PMPCB: variants seen among roughly 807,000 people sequenced by gnomAD.
PMPCB encodes mitochondrial-processing peptidase subunit beta.
In PMPCB, 46 loss-of-function variants were observed where a neutral mutation model predicts 61.5. The ratio of observed to expected loss-of-function variants is 0.75; its 90% CI spans 0.59 to 0.96. The LOEUF (loss-of-function observed/expected upper bound fraction) is 0.96, where lower values mean the gene tolerates loss of function less well. PMPCB is among the 40% of genes least tolerant of loss of function. The probability of loss-of-function intolerance (pLI) is 0.00; values close to 1 mark genes in which losing one functional copy is unlikely to be tolerated. For synonymous variants in PMPCB, 191 were observed against 201.6 expected (o/e 0.95, Z 0.44); for missense variants, 590 against 602.4 (o/e 0.98, Z 0.22).
At chr7:103,305,162 G>A (rs893724732) in intron 6 of PMPCB, among the ~76,000 whole-genome samples, 1 of 152,088 alleles carries the variant, frequency 6.6e-6, no homozygotes, top group Non-Finnish European at 1.5e-5. Context: ...AGCATGGAAC[G>A]GGTATGTTCA....
At position 103,299,509 on chromosome 7, in the gene PMPCB, C is replaced by G. The variant is rs1817388874; in HGVS notation, c.307C>G (p.Leu103Val). 1.2e-6 allele frequency: 2 copies of G among 1,611,456 alleles called. 1 individual carries two copies. The highest frequency in any genetic ancestry group is 3.3e-4 in the Middle Eastern group (2 of 6,060). The change falls in exon 3 of 13, where the codon CTG becomes GTG. Residue 103 changes from leucine to valine, a missense_variant. Leu to Val is a conservative substitution (Grantham distance 32, BLOSUM62 1). Coordinates refer to ENST00000249269, the MANE Select transcript of PMPCB (RefSeq NM_004279.3). ...GAAGAACAATGGAACAGCACACTTT[C>G]TGGAGCATATGGCTTTCAAGGCAAG... ...NEKNNGTAHF[L>V]EHMAFKGTKK...
At position 103,304,478 on chromosome 7, in the gene PMPCB, G is replaced by A. The variant is rs1817528258; in HGVS notation, c.724G>A (p.Ala242Thr). ...THYKGPRIVL[A>T]AAGGVSHDEL... ...TTATAAGGGGCCAAGAATAGTGCTT[G>A]CTGCTGCTGGAGGTTAGTCAATTTA... The change falls in exon 6 of 13, where the codon GCT (alanine) becomes ACT (threonine). Residue 242 changes from alanine (A) to threonine (T), a missense_variant. Transcript: ENST00000249269. The A allele has an allele frequency of 1.2e-6, 2 of 1,601,258 alleles. No individual in the cohort carries two copies. The highest frequency in any genetic ancestry group is 1.7e-6 in the Non-Finnish European group (2 of 1,168,404).
chr7:103,302,135 C>CT (rs1414576753), intron 4 of PMPCB, among the ~76,000 whole-genome samples: 2 of 152,112 alleles, frequency 1.3e-5, no homozygotes, highest in African/African-American at 2.4e-5. Context: ...TGAACTCATC[C>CT]TTTTTTATGG....
chr7:103,300,432 T>G (rs1817418812), intron 4 of PMPCB, 125 bp downstream of exon 4: 1 of 668,878 alleles, frequency 1.5e-6, no homozygotes, highest in African/African-American at 1.9e-5. Context: ...CGAAACTGAA[T>G]TCTGGGTGAG....
At chr7:103,315,922 A>C (rs1179891849), downstream of PMPCB, 6 of 1,548,722 alleles carry the variant, frequency 3.9e-6, no homozygotes, top group Non-Finnish European at 5.3e-6. Flanking sequence ...TTAATCTTTC[A>C]TTAAATTGCA....
At chr7:103,336,895 C>T in the PMPCB span, 5 of 152,208 alleles carry the variant, frequency 3.3e-5, no homozygotes, top group Non-Finnish European at 7.3e-5. Context: ...ATCTACTATG[C>T]TAAGTATTGA....
chr7:103,301,965 C>G (rs139231286), intron 4 of PMPCB, among the ~76,000 whole-genome samples: 3 of 152,138 alleles, frequency 2.0e-5, no homozygotes, highest in African/African-American at 7.2e-5. Context: ...CACCACCCCA[C>G]GACAGGCTCC....
At chr7:103,338,105 A>G in the PMPCB span, among the ~76,000 whole-genome samples, 4 of 152,132 alleles carry the variant, frequency 2.6e-5, no homozygotes, top group Admixed American at 2.0e-4. Context: ...TGTCTCTACA[A>G]AAAAATTTTT....
chr7:103,307,137 C>G (rs1226623115), intron 6 of PMPCB, among the ~76,000 whole-genome samples: 3 of 152,058 alleles, frequency 2.0e-5, no homozygotes, highest in Non-Finnish European at 2.9e-5. Context: ...AAATGATCCT[C>G]CCACCTCAGC....
rs758967335 is a variant in PMPCB, at chr7:103,310,338, G to A, written c.1017G>A (p.Gln339=). The A allele has an allele frequency of 6.2e-7, 1 of 1,613,286 alleles. No homozygotes were observed. Among genetic ancestry groups the A allele is most frequent in the Admixed American group, 1.7e-5 (1 of 59,866 alleles). Residue 339 remains glutamine (Q), a synonymous_variant, in exon 9 of 13, where the codon CAG becomes CAA. Coordinates refer to ENST00000249269, the MANE Select transcript of PMPCB (RefSeq NM_004279.3). The stretch of plus-strand genomic sequence containing the variant: ...AGAATTTATCTAGCAAGCTGGCCCA[G>A]CTCACTTGTCATGGCAATCTTTGCC... ...GGMNLSSKLA[Q]LTCHGNLCHS...
At chr7:103,339,805 A>G in the PMPCB span, among the ~76,000 whole-genome samples, 1 of 150,160 alleles carries the variant, frequency 6.7e-6, no homozygotes, top group Non-Finnish European at 1.5e-5. Flanking sequence ...TATGTGATTG[A>G]CCTCTTTCTG....
At chr7:103,345,871 G>A in the PMPCB span, among the ~76,000 whole-genome samples, 1 of 151,960 alleles carries the variant, frequency 6.6e-6, no homozygotes, top group South Asian at 2.1e-4. Flanking sequence ...GTTGAGGCCG[G>A]GAGGTGGAGG....
intron 1 of PMPCB, 47 bp downstream of exon 1, chr7:103,297,605 C>T (rs756558353): frequency 2.8e-5 from 45 of 1,608,772 alleles, no homozygotes; most frequent in Non-Finnish European, 3.2e-5. Flanking sequence ...CTCGCCAGAC[C>T]CGGCGCAGCG....
the PMPCB span, among the ~76,000 whole-genome samples, chr7:103,343,157 G>A: frequency 6.6e-6 from 1 of 151,726 alleles, no homozygotes; most frequent in Admixed American, 6.6e-5. Context: ...CCGCCACCAC[G>A]CCCAGCTACT....
chr7:103,315,690 A>AC, downstream of PMPCB: 1 of 943,982 alleles, frequency 1.1e-6, no homozygotes, highest in South Asian at 1.4e-5. Context: ...CTGAACATAG[A>AC]CCCTAAGTCT....
chr7:103,338,904 C>T, the PMPCB span, among the ~76,000 whole-genome samples: 340 of 151,882 alleles, frequency 2.2e-3, no homozygotes, highest in Non-Finnish European at 4.1e-3. Flanking sequence ...AGTGAGACTC[C>T]GTCTCAAAAT....
At chr7:103,329,078 G>C in exon 13 of PMPCB, 1 of 962,530 alleles carries the variant, frequency 1.0e-6, no homozygotes, top group South Asian at 1.6e-5. Context: ...GATTATCGCT[G>C]GTGGTCAACA....
chr7:103,299,134 A>G (rs1817378086), intron 2 of PMPCB, among the ~76,000 whole-genome samples: 1 of 152,248 alleles, frequency 6.6e-6, no homozygotes, highest in South Asian at 2.1e-4. Flanking sequence ...TGACAGAGCC[A>G]GGATTTCAAC....
At chr7:103,331,173 G>A (rs1397247800), downstream of PMPCB, among the ~76,000 whole-genome samples, 1 of 152,022 alleles carries the variant, frequency 6.6e-6, no homozygotes, top group Non-Finnish European at 1.5e-5. Context: ...GCCAGGCTTG[G>A]TCTTGAACTC....
Sources: gnomAD v4.1 joint callset for allele counts (sites outside exome capture counted in the v4.1 genomes callset) on GRCh38, gnomAD v4.1.1 for gene constraint, MANE v1.5 for transcripts, NCBI Gene and HGNC (gene_info 2026-07-23, HGNC 2026-07-21) for gene names.